Variants in RPTOR observed in about 807,000 individuals in gnomAD.
RPTOR encodes the protein regulatory-associated protein of mTOR.
RPTOR carries 21 observed loss-of-function variants against 169.9 expected under a neutral mutation model. The observed-to-expected ratio is 0.12, with a 90% CI of 0.09 to 0.18. RPTOR has a LOEUF of 0.18. Ranked by LOEUF, RPTOR falls within the 10% of genes least tolerant of loss-of-function variation. The probability of loss-of-function intolerance (pLI) is 1.00; values close to 1 mark genes in which losing one functional copy is unlikely to be tolerated. For missense variants in RPTOR, 1,133 were observed against 1,855.9 expected (o/e 0.61, Z 7.16); for synonymous variants, 732 against 753.2 (o/e 0.97, Z 0.46).
At chr17:80,883,594 G>A in intron 15 of RPTOR, 110 bp downstream of exon 15, 1 of 1,251,368 alleles carries the variant, frequency 8.0e-7, no homozygotes, top group Non-Finnish European at 1.2e-6. Context: ...GTCCAGCAGA[G>A]GCTCTGACCC....
At chr17:80,752,979 A>G (rs1268911578) in intron 5 of RPTOR, among the ~76,000 whole-genome samples, 1 of 122,340 alleles carries the variant, frequency 8.2e-6, no homozygotes, top group African/African-American at 2.7e-5. Context: ...CTTTTACGTG[A>G]CAAGTCTCAT....
At chr17:80,930,446 C>T (rs1598408151) in intron 24 of RPTOR, among the ~76,000 whole-genome samples, 3 of 75,272 alleles carry the variant, frequency 4.0e-5, no homozygotes, top group African/African-American at 8.6e-5. Context: ...CCCAGCTCAT[C>T]CTCAGCTCAT....
intron 13 of RPTOR, among the ~76,000 whole-genome samples, chr17:80,867,831 C>T (rs2068010686): frequency 6.6e-6 from 1 of 151,938 alleles, no homozygotes. Context: ...ATCTGTACAC[C>T]AAAACTACAA....
intron 16 of RPTOR, among the ~76,000 whole-genome samples, chr17:80,884,232 G>A (rs926336720): frequency 6.6e-6 from 1 of 152,232 alleles, no homozygotes; most frequent in Non-Finnish European, 1.5e-5. Flanking sequence ...AGAGGCAGGG[G>A]TCACGTGCTC....
intron 2 of RPTOR, among the ~76,000 whole-genome samples, chr17:80,642,197 C>T (rs62068356): frequency 0.058 from 8,807 of 151,846 alleles, 292 homozygotes; most frequent in Non-Finnish European, 0.082. Context: ...AGTGCAGTGG[C>T]GTGATCTCGG....
chr17:80,610,556 G>T (rs1206185822), intron 1 of RPTOR, among the ~76,000 whole-genome samples: 1 of 152,138 alleles, frequency 6.6e-6, no homozygotes, highest in South Asian at 2.1e-4. Flanking sequence ...TGAGGAAAGG[G>T]CAGAAGGCTG....
chr17:80,673,237 A>G (rs548613203), intron 3 of RPTOR, among the ~76,000 whole-genome samples: 45 of 152,338 alleles, frequency 3.0e-4, no homozygotes, highest in African/African-American at 1.0e-3. Context: ...CATTATTAAC[A>G]GAAGGAAAAA....
At chr17:80,604,969 C>T (rs2065218395) in intron 1 of RPTOR, among the ~76,000 whole-genome samples, 1 of 151,532 alleles carries the variant, frequency 6.6e-6, no homozygotes, top group African/African-American at 2.4e-5. Flanking sequence ...TTATGTTGCC[C>T]AGCTGGTCTT....
intron 4 of RPTOR, among the ~76,000 whole-genome samples, chr17:80,728,446 G>GGTGTGGGTGTGTGTGTGTGT (rs1555612020): frequency 6.7e-6 from 1 of 148,176 alleles, no homozygotes; most frequent in Non-Finnish European, 1.5e-5. Context: ...TCCACTCTGG[G>GGTGTGGGTGTGTGTGTGTGT]GTGTGTGTGT....
intron 1 of RPTOR, among the ~76,000 whole-genome samples, chr17:80,551,635 C>T (rs28872794): frequency 0.44 from 67,042 of 151,910 alleles, 15,097 homozygotes; most frequent in Middle Eastern, 0.51. Flanking sequence ...AACGTACAAT[C>T]GGGTTTTATA....
At chr17:80,607,472 C>T (rs2143473714) in intron 1 of RPTOR, among the ~76,000 whole-genome samples, 1 of 152,054 alleles carries the variant, frequency 6.6e-6, no homozygotes, top group East Asian at 1.9e-4. Context: ...GTAACCTGTC[C>T]TGCTTTCTAA....
At chr17:80,607,593 T>C (rs890072907) in intron 1 of RPTOR, among the ~76,000 whole-genome samples, 3 of 86,076 alleles carry the variant, frequency 3.5e-5, no homozygotes, top group African/African-American at 1.9e-4. Flanking sequence ...TGTGTATATA[T>C]GCCATTTATA....
Position 80,811,976 on chromosome 17 carries a change from C to G in RPTOR, c.891-10225C>G, listed in dbSNP as rs1331128848. On this transcript the variant is annotated intron_variant, in intron 7 of 33. Coordinates refer to ENST00000306801, the MANE Select transcript of RPTOR (RefSeq NM_020761.3). ...CCTCACTCCACCCGTGGGACACAGCCACAGCCTCTTTAACAAGGCCTCGAC... is the reference window on the plus strand; with the variant it reads ...CCTCACTCCACCCGTGGGACACAGCGACAGCCTCTTTAACAAGGCCTCGAC... Among the ~76,000 whole-genome samples, 5 of 152,120 alleles carry G rather than the reference C, an allele frequency of 3.3e-5. No homozygotes were observed. The East Asian group carries it at 9.6e-4, about 29-fold the overall frequency.
At chr17:80,928,243 T>C (rs759327531) in intron 24 of RPTOR, among the ~76,000 whole-genome samples, 18 of 152,028 alleles carry the variant, frequency 1.2e-4, no homozygotes, top group Non-Finnish European at 2.2e-4. Context: ...TTTTCTCTTG[T>C]TTAAAAAAAA....
intron 1 of RPTOR, among the ~76,000 whole-genome samples, chr17:80,598,378 C>T (rs993582727): frequency 1.3e-5 from 2 of 152,144 alleles, no homozygotes; most frequent in East Asian, 1.9e-4. Flanking sequence ...CCCAAGATAA[C>T]AAATGTAATT....
At chr17:80,643,166 G>A (rs1223675334) in intron 2 of RPTOR, among the ~76,000 whole-genome samples, 1 of 152,210 alleles carries the variant, frequency 6.6e-6, no homozygotes, top group Non-Finnish European at 1.5e-5. Context: ...AAACAAGTTT[G>A]AGAACTGCTG....
rs139757262 is a variant in RPTOR at position 80,585,639 on chromosome 17, C to T, written c.162+39848C>T. Among the ~76,000 whole-genome samples the T allele has an allele frequency of 8.9e-3, 1,358 of 152,328 alleles. 22 individuals are homozygous for T. The highest frequency in any genetic ancestry group is 0.028 in the African/African-American group (1,177 of 41,556). ...GTGGTCCTGAGTGTGCACGCTGCTA[C>T]GTCGCTCAGGCTTATGTGCCTTAAG... On this transcript the variant is annotated intron_variant, in intron 1 of 33. Coordinates refer to ENST00000306801, the MANE Select transcript of RPTOR (RefSeq NM_020761.3).
At chr17:80,779,880 C>T (rs920151989) in intron 6 of RPTOR, among the ~76,000 whole-genome samples, 3 of 152,104 alleles carry the variant, frequency 2.0e-5, no homozygotes, top group Non-Finnish European at 4.4e-5. Flanking sequence ...CACCAGAATG[C>T]CAGGAGTGAG....
chr17:80,650,481 G>A (rs925347024), intron 3 of RPTOR, among the ~76,000 whole-genome samples: 8 of 152,200 alleles, frequency 5.3e-5, no homozygotes, highest in Non-Finnish European at 1.0e-4. Flanking sequence ...TGGGAAATGT[G>A]GTCTCCTTTC....
Sources: gnomAD v4.1 joint callset for allele counts (sites outside exome capture counted in the v4.1 genomes callset) on GRCh38, gnomAD v4.1.1 for gene constraint, MANE v1.5 for transcripts, NCBI Gene and HGNC (gene_info 2026-07-23, HGNC 2026-07-21) for gene names.